Variants in SENP7 observed in about 807,000 individuals in gnomAD.
SENP7 encodes SUMO specific peptidase 7.
Under a neutral mutation model 141.2 loss-of-function variants are expected in SENP7, and 64 were observed. The ratio of observed to expected loss-of-function variants is 0.45; its 90% CI spans 0.37 to 0.56. The LOEUF is 0.56. SENP7 is among the 20% of genes least tolerant of loss of function. SENP7 has a pLI of 0.00. For synonymous variants in SENP7, 382 were observed against 426.4 expected (o/e 0.90, Z 1.28); for missense variants, 1,025 against 1,212.2 (o/e 0.85, Z 2.29).
intron 4 of SENP7, chr3:101,457,295 TTCA>T (rs2063384113): frequency 1.8e-5 from 27 of 1,504,380 alleles, no homozygotes; most frequent in African/African-American, 4.1e-5. Flanking sequence ...GATCAGGAAC[TTCA>T]TCATCATCAT....
intron 7 of SENP7, among the ~76,000 whole-genome samples, chr3:101,368,752 G>A (rs1339324286): frequency 2.0e-5 from 3 of 151,630 alleles, no homozygotes; most frequent in Non-Finnish European, 2.9e-5. Flanking sequence ...AAAAAGGGGG[G>A]GTCTTATTAA....
chr3:101,397,776 A>G (rs1355235628), intron 6 of SENP7, among the ~76,000 whole-genome samples: 5 of 152,212 alleles, frequency 3.3e-5, no homozygotes, highest in Admixed American at 2.6e-4. Context: ...TGGGGGGAAA[A>G]AAATTAGGAT....
intron 6 of SENP7, among the ~76,000 whole-genome samples, chr3:101,386,699 C>T (rs80078632): frequency 0.011 from 1,706 of 152,318 alleles, 30 homozygotes; most frequent in African/African-American, 0.039. Context: ...GTGCAATGCT[C>T]CAGGAAGGTT....
Position 101,343,748 on chromosome 3 carries a change from T to C in SENP7, c.2044A>G (p.Thr682Ala). The part of the protein sequence containing the change: ...SSFIHYYCVS[T>A]CSFPAGVAVA... ...GCAACACCAGCAGGGAAAGAACAAG[T>C]TGAAACACAGTAATAATGAATAAAA... The change falls in exon 14 of 24, where the codon ACT becomes GCT. Residue 682 changes from threonine (T) to alanine (A), a missense_variant. By Grantham distance (58) the Thr-to-Ala change is moderately conservative. Around this residue, in one of 4 missense-constraint regions of SENP7, gnomAD observed 295 missense variants for 459.1 expected, o/e 0.64. Coordinates refer to ENST00000394095, the MANE Select transcript of SENP7 (RefSeq NM_020654.5). The C allele has an allele frequency of 1.2e-6, 2 of 1,613,806 alleles. No homozygotes were observed. The highest frequency in any genetic ancestry group is 8.5e-7 in the Non-Finnish European group (1 of 1,179,834).
intron 6 of SENP7, among the ~76,000 whole-genome samples, chr3:101,373,320 T>G (rs1391170011): frequency 6.6e-6 from 1 of 152,114 alleles, no homozygotes; most frequent in Admixed American, 6.6e-5. Flanking sequence ...GAATCATTCT[T>G]GAAGAATAAG....
At chr3:101,350,757 T>C (rs998669320) in intron 12 of SENP7, among the ~76,000 whole-genome samples, 3 of 152,016 alleles carry the variant, frequency 2.0e-5, no homozygotes, top group Admixed American at 2.0e-4. Context: ...TAAAATCACA[T>C]GACTTTTTTT....
At chr3:101,337,073 G>C (rs1258483098) in intron 17 of SENP7, 1 of 152,374 alleles carries the variant, frequency 6.6e-6, no homozygotes, top group African/African-American at 2.4e-5. Flanking sequence ...GATTAGCAGA[G>C]GAGGAAACTG....
intron 4 of SENP7, among the ~76,000 whole-genome samples, chr3:101,445,665 C>T (rs2062861355): frequency 1.3e-5 from 2 of 151,924 alleles, no homozygotes; most frequent in Admixed American, 6.6e-5. Context: ...TAAAGACACA[C>T]ATAAACTGAA....
At chr3:101,444,582 G>A (rs1201412632) in intron 4 of SENP7, among the ~76,000 whole-genome samples, 1 of 152,070 alleles carries the variant, frequency 6.6e-6, no homozygotes, top group Non-Finnish European at 1.5e-5. Context: ...ATGCGTTCAT[G>A]TCCTTTGTAG....
At chr3:101,458,102 T>C (rs2063418566) in intron 4 of SENP7, among the ~76,000 whole-genome samples, 1 of 152,190 alleles carries the variant, frequency 6.6e-6, no homozygotes, top group East Asian at 1.9e-4. Flanking sequence ...TCAATAGACC[T>C]GCCTTATTCA....
At chr3:101,326,116 C>G (rs776163577) in intron 23 of SENP7, 36 bp from the exon 24 acceptor site, 6 of 1,474,442 alleles carry the variant, frequency 4.1e-6, no homozygotes, top group Non-Finnish European at 5.4e-6. Flanking sequence ...ATCACTTTAG[C>G]AGCATAATTT....
intron 6 of SENP7, among the ~76,000 whole-genome samples, chr3:101,396,426 A>C (rs971184561): frequency 5.3e-5 from 8 of 152,086 alleles, no homozygotes; most frequent in Non-Finnish European, 8.8e-5. Context: ...GGCACATCAT[A>C]AGTTTTTTCT....
intron 3 of SENP7, among the ~76,000 whole-genome samples, chr3:101,463,402 T>TATATATATATATATACACACAC (rs2063652705): frequency 9.9e-6 from 1 of 101,248 alleles, no homozygotes; most frequent in Non-Finnish European, 2.0e-5. Flanking sequence ...TATATACATA[T>TATATATATATATATACACACAC]ATATATATAT....
At chr3:101,435,238 A>G (rs1230084847) in intron 4 of SENP7, among the ~76,000 whole-genome samples, 1 of 152,038 alleles carries the variant, frequency 6.6e-6, no homozygotes, top group Non-Finnish European at 1.5e-5. Context: ...TAATAAAAAA[A>G]AAACTGAGAA....
chr3:101,463,396 T>TATATATATACATATATATATATATATAC (rs1320861204), intron 3 of SENP7, among the ~76,000 whole-genome samples: 1 of 82,862 alleles, frequency 1.2e-5, no homozygotes, highest in African/African-American at 5.9e-5. Context: ...TATATATATA[T>TATATATATACATATATATATATATATAC]ACATATATAT....
Position 101,408,761 on chromosome 3 carries a change from C to A in SENP7, c.482+8832G>T, listed in dbSNP as rs979528912. ...TTATGATTAAAACTCTCAGCAAAAT[C>A]GGCATACAAGGGACATACCTCAATA... On this transcript the variant is annotated intron_variant, in intron 5 of 23. Transcript: ENST00000394095. Among the ~76,000 whole-genome samples the A allele has an allele frequency of 6.6e-5, 10 of 152,202 alleles. No individual in the cohort carries two copies. In the South Asian group the frequency reaches 1.9e-3, roughly 28 times the overall value.
chr3:101,499,304 A>G (rs1262227055), intron 2 of SENP7, among the ~76,000 whole-genome samples: 1 of 152,204 alleles, frequency 6.6e-6, no homozygotes, highest in Non-Finnish European at 1.5e-5. Context: ...AAACAAAAAT[A>G]GTGGTAGTTA....
At chr3:101,496,003 ATAAAT>A (rs1294862008) in intron 2 of SENP7, among the ~76,000 whole-genome samples, 1 of 152,234 alleles carries the variant, frequency 6.6e-6, no homozygotes, top group African/African-American at 2.4e-5. Flanking sequence ...CAATGCTTTA[ATAAAT>A]TAGATTTCAG....
At chr3:101,421,362 T>C (rs1009510775) in intron 4 of SENP7, among the ~76,000 whole-genome samples, 2 of 151,706 alleles carry the variant, frequency 1.3e-5, no homozygotes, top group Non-Finnish European at 2.9e-5. Flanking sequence ...CAATTTAAAA[T>C]TCTAAATGAC....
Sources: gnomAD v4.1 joint callset for allele counts (sites outside exome capture counted in the v4.1 genomes callset) on GRCh38, gnomAD v4.1.1 for gene constraint, gnomAD v4.1.1 regional missense constraint, MANE v1.5 for transcripts, NCBI Gene and HGNC (gene_info 2026-07-23, HGNC 2026-07-21) for gene names.